CNTNAP2: variants seen among roughly 807,000 people sequenced by gnomAD.
The protein encoded by CNTNAP2 is contactin-associated protein-like 2.
CNTNAP2 carries 98 observed loss-of-function variants against 155.2 expected under a neutral mutation model. The ratio of observed to expected loss-of-function variants is 0.63; its 90% CI spans 0.54 to 0.75. The LOEUF is 0.75. Ranked by LOEUF, CNTNAP2 falls within the 30% of genes least tolerant of loss-of-function variation. CNTNAP2 has a pLI of 0.00. For missense variants in CNTNAP2, 1,727 were observed against 1,688.1 expected (o/e 1.02, Z -0.40); for synonymous variants, 651 against 631.2 (o/e 1.03, Z -0.47).
At position 148,331,621 on chromosome 7, in the gene CNTNAP2, T is replaced by TGGATGGATGGAATGGA. The variant is rs1563045795; in HGVS notation, c.3476-52028_3476-52027insGGATGGATGGAATGGA. Among the ~76,000 whole-genome samples, 317 of 110,354 alleles carry TGGATGGATGGAATGGA rather than the reference T, an allele frequency of 2.9e-3. 7 individuals carry two copies. The highest frequency in any genetic ancestry group is 3.6e-3 in the Non-Finnish European group (169 of 47,110). 72.4% of individuals were successfully genotyped at this position (110,354 alleles called of 152,430 possible). Reference sequence around the variant, plus strand: ...GGATGGATGGAATGGACGGATGGAGTCGATGGATGGAGTGGATGGATGGAA... The same window carrying TGGATGGATGGAATGGA: ...GGATGGATGGAATGGACGGATGGAGTGGATGGATGGAATGGACGATGGATGGAGTGGATGGATGGAA... On this transcript the variant is annotated intron_variant, in intron 21 of 23. Transcript: ENST00000361727.
intron 1 of CNTNAP2, among the ~76,000 whole-genome samples, chr7:146,536,283 G>C (rs1012177897): frequency 7.9e-5 from 12 of 151,860 alleles, no homozygotes; most frequent in Non-Finnish European, 1.6e-4. Context: ...AGCAATATCT[G>C]CCACTACTTA....
chr7:146,948,852 A>C (rs772803663), intron 3 of CNTNAP2, among the ~76,000 whole-genome samples: 1 of 152,134 alleles, frequency 6.6e-6, no homozygotes, highest in Non-Finnish European at 1.5e-5. Context: ...ACTTGTTCCT[A>C]TCATTATGCA....
chr7:146,245,467 G>A (rs7777186), intron 1 of CNTNAP2, among the ~76,000 whole-genome samples: 4,256 of 152,274 alleles, frequency 0.028, 197 homozygotes, highest in African/African-American at 0.098. Flanking sequence ...GGCAGCAGCC[G>A]CTGCACGCAG....
At chr7:148,134,892 C>A (rs1388328390) in intron 16 of CNTNAP2, among the ~76,000 whole-genome samples, 1 of 151,968 alleles carries the variant, frequency 6.6e-6, no homozygotes, top group Non-Finnish European at 1.5e-5. Context: ...ATTTTGGTGT[C>A]TATATTTCTA....
intron 13 of CNTNAP2, among the ~76,000 whole-genome samples, chr7:147,656,778 C>CA (rs112754635): frequency 0.12 from 18,301 of 151,898 alleles, 1,430 homozygotes; most frequent in Middle Eastern, 0.24. Flanking sequence ...CAAACAACAA[C>CA]AAAAAAACCC....
chr7:147,832,578 T>C (rs1200680646), intron 13 of CNTNAP2, among the ~76,000 whole-genome samples: 1 of 146,352 alleles, frequency 6.8e-6, no homozygotes, highest in African/African-American at 2.5e-5. Context: ...TATTGAAATA[T>C]ATTGAAATAT....
At chr7:148,091,814 G>A (rs1372526281) in intron 15 of CNTNAP2, among the ~76,000 whole-genome samples, 2 of 152,144 alleles carry the variant, frequency 1.3e-5, no homozygotes, top group South Asian at 2.1e-4. Flanking sequence ...ATCCAGCAGT[G>A]TAGTGGGAGA....
At chr7:148,267,147 G>A (rs1243551190) in intron 21 of CNTNAP2, 21 bp downstream of exon 21, 4 of 1,569,738 alleles carry the variant, frequency 2.5e-6, no homozygotes, top group African/African-American at 2.7e-5. Flanking sequence ...GGTTCGTTAG[G>A]TATAAATGCG....
At chr7:147,015,774 T>G (rs6953691) in intron 3 of CNTNAP2, among the ~76,000 whole-genome samples, 8,454 of 152,156 alleles carry the variant, frequency 0.056, 621 homozygotes, top group African/African-American at 0.17. Context: ...TCTCTTAAAC[T>G]ATCATGTTCT....
At chr7:148,308,924 G>A (rs1425192693) in intron 21 of CNTNAP2, among the ~76,000 whole-genome samples, 1 of 152,110 alleles carries the variant, frequency 6.6e-6, no homozygotes, top group Non-Finnish European at 1.5e-5. Context: ...TTTTATGGCT[G>A]CATAGTGTTC....
chr7:147,139,841 CAAG>C (rs1426980812), intron 8 of CNTNAP2, among the ~76,000 whole-genome samples: 1 of 151,984 alleles, frequency 6.6e-6, no homozygotes, highest in Non-Finnish European at 1.5e-5. Flanking sequence ...AGGTTTTTCA[CAAG>C]AAAATTTTGG....
At chr7:148,152,796 G>A (rs1563216345) in intron 17 of CNTNAP2, among the ~76,000 whole-genome samples, 1 of 151,960 alleles carries the variant, frequency 6.6e-6, no homozygotes, top group Non-Finnish European at 1.5e-5. Flanking sequence ...CGAGATGGGG[G>A]GATCACGAAG....
intron 1 of CNTNAP2, among the ~76,000 whole-genome samples, chr7:146,639,821 T>G (rs150245144): frequency 6.6e-6 from 1 of 152,324 alleles, no homozygotes; most frequent in African/African-American, 2.4e-5. Context: ...CACTGAAACT[T>G]ATAAAGGTTA....
intron 1 of CNTNAP2, among the ~76,000 whole-genome samples, chr7:146,120,810 A>C (rs1290911352): frequency 6.6e-6 from 1 of 152,194 alleles, no homozygotes; most frequent in African/African-American, 2.4e-5. Context: ...CATGCAGTAC[A>C]GGTTTGTAGC....
chr7:147,319,630 G>A (rs1487056623), intron 9 of CNTNAP2, among the ~76,000 whole-genome samples: 3 of 152,136 alleles, frequency 2.0e-5, no homozygotes, highest in South Asian at 4.1e-4. Flanking sequence ...TGCCCACCTC[G>A]GCCTCCCAAA....
intron 1 of CNTNAP2, among the ~76,000 whole-genome samples, chr7:146,503,632 T>C (rs1194359209): frequency 6.6e-6 from 1 of 152,226 alleles, no homozygotes; most frequent in Non-Finnish European, 1.5e-5. Flanking sequence ...AGAATGGGTC[T>C]AGTTTCTTTC....
Position 148,269,573 on chromosome 7 carries a change from C to G in CNTNAP2, c.3475+2447C>G, listed in dbSNP as rs1435169713. Reference sequence around the variant, plus strand: ...TGAGAAAACTGAAGCAGAAGAAGGTCAATTTGACAAAAGTTACTCAACTAA... The same window carrying G: ...TGAGAAAACTGAAGCAGAAGAAGGTGAATTTGACAAAAGTTACTCAACTAA... On this transcript the variant is annotated intron_variant, in intron 21 of 23. Transcript: ENST00000361727. Among the ~76,000 whole-genome samples, 4 of 152,168 alleles carry G rather than the reference C, an allele frequency of 2.6e-5. No homozygotes were observed. The East Asian group carries it at 7.7e-4, about 29-fold the overall frequency.
chr7:146,794,047 G>A (rs376447198), intron 2 of CNTNAP2, among the ~76,000 whole-genome samples: 1 of 152,136 alleles, frequency 6.6e-6, no homozygotes, highest in Non-Finnish European at 1.5e-5. Flanking sequence ...TAAAAATCTA[G>A]TATTCATTGA....
chr7:147,635,734 A>T (rs1795169675), intron 12 of CNTNAP2, among the ~76,000 whole-genome samples: 1 of 152,284 alleles, frequency 6.6e-6, no homozygotes, highest in East Asian at 1.9e-4. Context: ...ATGGGTGACC[A>T]TTTGGTTTTA....
Sources: allele counts gnomAD v4.1 joint callset (sites outside exome capture counted in the v4.1 genomes callset), GRCh38; gene constraint gnomAD v4.1.1; transcripts MANE v1.5; gene names NCBI Gene and HGNC (gene_info 2026-07-23, HGNC 2026-07-21).